Variants in EYS observed in about 807,000 individuals in gnomAD.
EYS encodes the protein EGF-like photoreceptor maintenance factor.
A neutral mutation model predicts 282.1 loss-of-function variants in EYS; 250 were observed. That is an observed-to-expected ratio of 0.89 (90% CI 0.80 to 0.98). EYS has a LOEUF of 0.98. Ranked by LOEUF, EYS falls within the 50% of genes least tolerant of loss-of-function variation. EYS has a pLI of 0.00. For missense variants in EYS, 4,016 were observed against 3,709.0 expected, an observed-to-expected ratio of 1.08 and a Z score of -2.15; for synonymous variants, 1,355 against 1,282.9, an observed-to-expected ratio of 1.06 and a Z score of -1.20.
At chr6:65,101,442 C>G (rs1482477022) in intron 12 of EYS, among the ~76,000 whole-genome samples, 1 of 151,164 alleles carries the variant, frequency 6.6e-6, no homozygotes, top group African/African-American at 2.4e-5. Flanking sequence ...CTAAATTTAT[C>G]AACAGGCCAT....
intron 31 of EYS, among the ~76,000 whole-genome samples, chr6:64,112,151 T>C (rs6931063): frequency 0.066 from 9,994 of 152,116 alleles, 983 homozygotes; most frequent in African/African-American, 0.22. Context: ...AAATGTTGAA[T>C]GAGAGAAGGC....
intron 29 of EYS, among the ~76,000 whole-genome samples, chr6:64,335,376 G>C (rs1034238136): frequency 1.3e-5 from 2 of 151,744 alleles, no homozygotes; most frequent in Non-Finnish European, 2.9e-5. Context: ...GGCCCAGCGA[G>C]TTTCTGCTTA....
intron 24 of EYS, among the ~76,000 whole-genome samples, 173 bp downstream of exon 24, chr6:64,617,245 C>T (rs548183219): frequency 7.2e-5 from 11 of 152,182 alleles, no homozygotes; most frequent in African/African-American, 2.4e-4. Context: ...AAGTGATGCA[C>T]GGACAACAAG....
intron 31 of EYS, among the ~76,000 whole-genome samples, chr6:64,185,666 C>T (rs775412094): frequency 2.4e-4 from 36 of 152,114 alleles, no homozygotes; most frequent in Admixed American, 1.6e-3. Flanking sequence ...TAGTGCCAAA[C>T]GGCTCTGTTG....
At chr6:63,924,038 A>C (rs1342508800) in intron 35 of EYS, among the ~76,000 whole-genome samples, 2 of 152,212 alleles carry the variant, frequency 1.3e-5, no homozygotes, top group Non-Finnish European at 2.9e-5. Context: ...CTTACAGAGA[A>C]AATGCATAAT....
intron 12 of EYS, among the ~76,000 whole-genome samples, chr6:65,085,311 A>G (rs1774334834): frequency 6.6e-6 from 1 of 152,130 alleles, no homozygotes; most frequent in Non-Finnish European, 1.5e-5. Flanking sequence ...ATTGATCTGA[A>G]GTAAGGATCT....
At chr6:64,303,026 G>A (rs1327207814) in intron 30 of EYS, among the ~76,000 whole-genome samples, 1 of 152,032 alleles carries the variant, frequency 6.6e-6, no homozygotes, top group Non-Finnish European at 1.5e-5. Flanking sequence ...GCATCCCCAT[G>A]CTGAAAAAGA....
intron 22 of EYS, among the ~76,000 whole-genome samples, chr6:64,714,376 TCATGGCTTTAGCAG>T (rs1158291352): frequency 2.0e-5 from 3 of 152,340 alleles, no homozygotes; most frequent in Non-Finnish European, 4.4e-5. Flanking sequence ...TTTGACTCAG[TCATGGCTTTAGCAG>T]AAGGCAATAT....
chr6:64,723,967 C>T (rs893489798), intron 22 of EYS, among the ~76,000 whole-genome samples: 1 of 152,188 alleles, frequency 6.6e-6, no homozygotes, highest in South Asian at 2.1e-4. Context: ...TAACCATAAC[C>T]TCCTGGTGGT....
chr6:64,072,272 T>C (rs371861618), intron 32 of EYS, among the ~76,000 whole-genome samples: 1 of 152,114 alleles, frequency 6.6e-6, no homozygotes, highest in Non-Finnish European at 1.5e-5. Context: ...TCTGGGTTTA[T>C]CACTTCTGAG....
rs78504253 is a variant in EYS at position 64,290,679 on chromosome 6, C to T, written c.6191+16291G>A. ...GGCTTAGAGTCCTCTTCTTCCAGAA[C>T]GAAGGTGAGGGGAGAAAGAATAGAT... On this transcript the variant is annotated intron_variant, in intron 30 of 42. Coordinates refer to ENST00000503581, the MANE Select transcript of EYS (RefSeq NM_001142800.2). 8.6e-4 allele frequency among the ~76,000 whole-genome samples: 130 copies of T among 151,526 alleles called. 1 individual carries two copies. In the South Asian group the frequency reaches 0.011, roughly 12 times the overall value.
At chr6:65,411,944 G>T (rs1414740242) in intron 5 of EYS, among the ~76,000 whole-genome samples, 1 of 151,760 alleles carries the variant, frequency 6.6e-6, no homozygotes, top group Admixed American at 6.6e-5. Flanking sequence ...AATTGCTAGG[G>T]ACTGAAAATT....
chr6:64,755,992 A>G (rs1458326351), intron 22 of EYS, among the ~76,000 whole-genome samples: 1 of 152,166 alleles, frequency 6.6e-6, no homozygotes, highest in Non-Finnish European at 1.5e-5. Flanking sequence ...ACCCACATCA[A>G]AATAATCACT....
intron 15 of EYS, among the ~76,000 whole-genome samples, chr6:64,918,791 A>T (rs918614712): frequency 2.6e-5 from 4 of 152,172 alleles, no homozygotes; most frequent in Non-Finnish European, 5.9e-5. Flanking sequence ...AGAAAATAAG[A>T]TGGCACTGAT....
chr6:65,040,088 C>G (rs1264483008), intron 13 of EYS, among the ~76,000 whole-genome samples: 2 of 151,574 alleles, frequency 1.3e-5, no homozygotes, highest in East Asian at 3.9e-4. Flanking sequence ...ACACTTTTAT[C>G]AGATAATTTT....
At chr6:64,691,783 C>G (rs1378980865) in intron 22 of EYS, among the ~76,000 whole-genome samples, 4 of 152,310 alleles carry the variant, frequency 2.6e-5, no homozygotes, top group Admixed American at 2.6e-4. Flanking sequence ...TAATTCGCTT[C>G]TGGTTATAGC....
chr6:65,009,608 T>C (rs946153240), intron 13 of EYS, among the ~76,000 whole-genome samples: 2 of 152,176 alleles, frequency 1.3e-5, no homozygotes, highest in African/African-American at 4.8e-5. Context: ...CCCCCATCTA[T>C]TAGGCATTAG....
chr6:64,357,564 G>T lies in EYS; in HGVS notation c.6078+31126C>A, dbSNP rs571468157. Among the ~76,000 whole-genome samples, 8 of 151,658 alleles carry T rather than the reference G, an allele frequency of 5.3e-5. No homozygotes were observed. In the South Asian group the frequency reaches 1.7e-3, roughly 31 times the overall value. On this transcript the variant is annotated intron_variant, in intron 29 of 42. Coordinates refer to ENST00000503581, the MANE Select transcript of EYS (RefSeq NM_001142800.2). ...TCTACTTTTGAAGCATTACATAAAG[G>T]GATGTGTGTGAACGAAATTTTGAAA...
rs1774706661 is a variant in EYS, at chr6:64,151,321, A to ATATATATATATATATATT, written c.6425-69320_6425-69319insAATATATATATATATATA. ...CACACGTGTGTGTGTGTATATTTAT[A>ATATATATATATATATATT]TATATATATATATATATATATATAT... On this transcript the variant is annotated intron_variant, in intron 31 of 42. Transcript: ENST00000503581. 8.1e-5 allele frequency among the ~76,000 whole-genome samples: 4 copies of ATATATATATATATATATT among 49,282 alleles called. No individual in the cohort carries two copies. In the South Asian group the frequency reaches 1.9e-3, roughly 24 times the overall value. 32.3% of individuals were successfully genotyped at this position (49,282 alleles called of 152,430 possible).
Sources: gnomAD v4.1 joint callset for allele counts (sites outside exome capture counted in the v4.1 genomes callset) on GRCh38, gnomAD v4.1.1 for gene constraint, MANE v1.5 for transcripts, NCBI Gene and HGNC (gene_info 2026-07-23, HGNC 2026-07-21) for gene names.